Variants in WWOX observed in about 807,000 individuals in gnomAD.
WWOX encodes WW domain containing oxidoreductase, also known as WW domain-containing oxidoreductase.
Under a neutral mutation model 46.2 loss-of-function variants are expected in WWOX, and 69 were observed. The ratio of observed to expected loss-of-function variants is 1.49; its 90% CI spans 1.23 to 1.82. The LOEUF is 1.82. WWOX is among the 40% of genes most tolerant of loss of function. The probability of loss-of-function intolerance (pLI) is 0.00; values close to 1 mark genes in which losing one functional copy is unlikely to be tolerated. For synonymous variants in WWOX, 359 were observed against 202.6 expected (o/e 1.77, Z -6.56); for missense variants, 919 against 542.6 (o/e 1.69, Z -6.89).
intron 8 of WWOX, among the ~76,000 whole-genome samples, chr16:78,878,582 G>C (rs1401955795): frequency 1.3e-5 from 2 of 152,090 alleles, no homozygotes; most frequent in African/African-American, 2.4e-5. Context: ...CTATTTTACA[G>C]GGTTGCTATG....
intron 8 of WWOX, among the ~76,000 whole-genome samples, chr16:78,953,685 C>T (rs1408052169): frequency 6.6e-6 from 1 of 152,132 alleles, no homozygotes; most frequent in Non-Finnish European, 1.5e-5. Context: ...TTTCGGTAGG[C>T]AGTGACAGAA....
intron 8 of WWOX, among the ~76,000 whole-genome samples, chr16:78,711,043 C>T (rs1321895355): frequency 1.3e-5 from 2 of 152,190 alleles, no homozygotes; most frequent in East Asian, 3.8e-4. Flanking sequence ...CTAACCAACA[C>T]CCGACAGGCA....
chr16:78,394,415 C>T (rs1470861447), intron 6 of WWOX, among the ~76,000 whole-genome samples: 6 of 150,240 alleles, frequency 4.0e-5, no homozygotes, highest in African/African-American at 1.2e-4. Flanking sequence ...CATCCTAAGG[C>T]ATTGAAAAAG....
At chr16:78,792,000 A>C (rs988058494) in intron 8 of WWOX, among the ~76,000 whole-genome samples, 5 of 152,184 alleles carry the variant, frequency 3.3e-5, no homozygotes. Flanking sequence ...TTCTTTCAGA[A>C]GTCAGTACTG....
At chr16:78,660,497 C>A in intron 8 of WWOX, among the ~76,000 whole-genome samples, 1 of 152,084 alleles carries the variant, frequency 6.6e-6, no homozygotes, top group East Asian at 1.9e-4. Flanking sequence ...ACATTCAAAG[C>A]TCCTTCTGTC....
At chr16:78,627,229 C>T (rs2046331208) in intron 8 of WWOX, among the ~76,000 whole-genome samples, 2 of 152,162 alleles carry the variant, frequency 1.3e-5, no homozygotes, top group East Asian at 1.9e-4. Context: ...CCCTGTGCCC[C>T]AGGTGTGTTT....
intron 8 of WWOX, among the ~76,000 whole-genome samples, chr16:78,880,883 A>C (rs973244946): frequency 4.6e-5 from 7 of 152,232 alleles, no homozygotes; most frequent in Non-Finnish European, 8.8e-5. Context: ...CTATGATATC[A>C]GATCAGGTCA....
chr16:78,806,203 C>G lies in WWOX; in HGVS notation c.1056+373451C>G, dbSNP rs112897007. 8.7e-3 allele frequency among the ~76,000 whole-genome samples: 1,331 copies of G among 152,208 alleles called. 21 individuals carry two copies. Among genetic ancestry groups the G allele is most frequent in the African/African-American group, 0.03 (1,266 of 41,524 alleles). On this transcript the variant is annotated intron_variant, in intron 8 of 8. Coordinates refer to ENST00000566780, the MANE Select transcript of WWOX (RefSeq NM_016373.4). ...CAAATTCTTGGTGTTTTTCTACAAC[C>G]AAGACCTTGAACTTTTTCCTCTCAG...
intron 8 of WWOX, among the ~76,000 whole-genome samples, chr16:78,941,681 C>G (rs1453253023): frequency 1.3e-5 from 2 of 152,116 alleles, no homozygotes; most frequent in Admixed American, 6.6e-5. Flanking sequence ...TGCATCCCCC[C>G]TACTCACAGG....
intron 8 of WWOX, among the ~76,000 whole-genome samples, chr16:78,498,699 C>T (rs987797419): frequency 2.6e-5 from 4 of 152,180 alleles, no homozygotes; most frequent in Admixed American, 1.3e-4. Context: ...TTCTCTCTTT[C>T]TGTTTTTAAA....
rs1438602210 is a variant in WWOX at position 78,099,814 on chromosome 16, G to A, written c.36G>A (p.Thr12=). Residue 12 remains threonine (T), a synonymous_variant, in exon 1 of 9, where the codon ACG becomes ACA. Transcript: ENST00000566780. ...AALRYAGLDD[T]DSEDELPPGW... is the part of the protein sequence containing the mutation. Reference sequence around the variant, plus strand: ...TGCGCTACGCGGGGCTGGACGACACGGACAGTGAGGACGAGCTGCCTCCGG... The same window carrying A: ...TGCGCTACGCGGGGCTGGACGACACAGACAGTGAGGACGAGCTGCCTCCGG... The A allele has an allele frequency of 1.9e-5, 30 of 1,577,428 alleles. No individual in the cohort carries two copies. Among genetic ancestry groups the A allele is most frequent in the Non-Finnish European group, 2.4e-5 (28 of 1,162,902 alleles).
chr16:78,564,035 CCTT>C (rs1412383673), intron 8 of WWOX, among the ~76,000 whole-genome samples: 1 of 152,208 alleles, frequency 6.6e-6, no homozygotes, highest in Non-Finnish European at 1.5e-5. Context: ...CCCAGGCTAG[CCTT>C]CTGGGCGATG....
At chr16:78,910,787 C>G (rs1417333563) in intron 8 of WWOX, among the ~76,000 whole-genome samples, 1 of 151,820 alleles carries the variant, frequency 6.6e-6, no homozygotes, top group Non-Finnish European at 1.5e-5. Context: ...ATGGCAAAGA[C>G]CCATCCCCAT....
At chr16:78,617,697 A>G (rs1362493279) in intron 8 of WWOX, among the ~76,000 whole-genome samples, 2 of 152,080 alleles carry the variant, frequency 1.3e-5, no homozygotes, top group Non-Finnish European at 2.9e-5. Context: ...GCCCCGCTGC[A>G]TTCTTCCCAG....
At chr16:78,715,939 G>A (rs1361389695) in intron 8 of WWOX, among the ~76,000 whole-genome samples, 1 of 152,160 alleles carries the variant, frequency 6.6e-6, no homozygotes, top group Non-Finnish European at 1.5e-5. Context: ...GGGAAGGGCT[G>A]ATAGGGCCTC....
chr16:78,186,390 C>G lies in WWOX; in HGVS notation c.516+22101C>G, dbSNP rs576286273. The stretch of plus-strand genomic sequence containing the variant: ...TGTCACAAATCCTTAATTGCTAGAA[C>G]TCACAGTTTAACCTGACAGTTGATC... On this transcript the variant is annotated intron_variant, in intron 5 of 8. Coordinates refer to ENST00000566780, the MANE Select transcript of WWOX (RefSeq NM_016373.4). 1.4e-4 allele frequency among the ~76,000 whole-genome samples: 22 copies of G among 152,258 alleles called. 1 individual carries two copies. In the South Asian group the frequency reaches 2.7e-3, roughly 19 times the overall value.
At chr16:78,860,917 G>T (rs1055634268) in intron 8 of WWOX, among the ~76,000 whole-genome samples, 17 of 152,168 alleles carry the variant, frequency 1.1e-4, no homozygotes, top group Admixed American at 1.0e-3. Flanking sequence ...CCAGGCCCAG[G>T]TGATCCTCCC....
intron 5 of WWOX, among the ~76,000 whole-genome samples, chr16:78,225,537 A>G (rs2037022946): frequency 6.6e-6 from 1 of 152,184 alleles, no homozygotes; most frequent in Non-Finnish European, 1.5e-5. Context: ...CCATGGTAAC[A>G]TTATATTGAC....
intron 5 of WWOX, among the ~76,000 whole-genome samples, chr16:78,175,093 C>T (rs1416376945): frequency 6.6e-6 from 1 of 151,962 alleles, no homozygotes; most frequent in Non-Finnish European, 1.5e-5. Context: ...GGGCCCCTTC[C>T]ATCCGTAGAG....
Sources: allele counts gnomAD v4.1 joint callset (sites outside exome capture counted in the v4.1 genomes callset), GRCh38; gene constraint gnomAD v4.1.1; transcripts MANE v1.5; gene names NCBI Gene and HGNC (gene_info 2026-07-23, HGNC 2026-07-21).